DOCK3: variants seen among roughly 807,000 people sequenced by gnomAD.
DOCK3 encodes the protein dedicator of cytokinesis 3, also known as dedicator of cytokinesis protein 3.
A neutral mutation model predicts 265.6 loss-of-function variants in DOCK3; 60 were observed. That is an observed-to-expected ratio of 0.23 (90% CI 0.18 to 0.28). The LOEUF (loss-of-function observed/expected upper bound fraction) is 0.28. Among genes scored for constraint, DOCK3 ranks in the 10% least tolerant of loss-of-function variants. DOCK3 has a pLI of 1.00. For missense variants in DOCK3, 1,981 were observed against 2,594.3 expected (o/e 0.76, Z 5.14); for synonymous variants, 881 against 938.0 (o/e 0.94, Z 1.11).
chr3:51,277,972 G>A, intron 26 of DOCK3: 1 of 985,348 alleles, frequency 1.0e-6, no homozygotes, highest in Non-Finnish European at 1.2e-6. Flanking sequence ...GGGCAGATCT[G>A]GGGAATGTTT....
At chr3:51,249,081 A>G (rs867056165) in intron 22 of DOCK3, among the ~76,000 whole-genome samples, 345 of 139,156 alleles carry the variant, frequency 2.5e-3, no homozygotes, top group African/African-American at 9.1e-3. Flanking sequence ...CCCGGCAGCC[A>G]CCCCGTCCGG....
intron 5 of DOCK3, among the ~76,000 whole-genome samples, chr3:50,985,156 CA>C (rs1409632044): frequency 1.6e-4 from 25 of 152,246 alleles, no homozygotes; most frequent in African/African-American, 5.8e-4. Context: ...CCTGAATTGT[CA>C]GAATTTTTAC....
rs527860517 is a variant in DOCK3 at position 51,364,172 on chromosome 3, T to C, written c.5293+1498T>C. 3.9e-5 allele frequency among the ~76,000 whole-genome samples: 6 copies of C among 152,324 alleles called. No individual in the cohort carries two copies. The South Asian group carries it at 6.2e-4, about 16-fold the overall frequency. On this transcript the variant is annotated intron_variant, in intron 49 of 52. Transcript: ENST00000266037. ...TGTTGTTTCCTGACTTTTTAATGAT[T>C]GCCATTCTAACTGGTGTGAAATGGT...
At chr3:50,686,729 T>C (rs1017327531) in intron 1 of DOCK3, among the ~76,000 whole-genome samples, 9 of 151,710 alleles carry the variant, frequency 5.9e-5, no homozygotes, top group Non-Finnish European at 7.4e-5. Context: ...GCCATCATGG[T>C]GAAACCCCAT....
chr3:51,264,594 G>C (rs1388546670), intron 23 of DOCK3, among the ~76,000 whole-genome samples: 1 of 152,102 alleles, frequency 6.6e-6, no homozygotes, highest in East Asian at 1.9e-4. Context: ...TTGGGAGGCT[G>C]AGGCGGGCAG....
At chr3:51,311,896 A>C in intron 28 of DOCK3, 108 bp from the exon 29 acceptor site, 1 of 735,278 alleles carries the variant, frequency 1.4e-6, no homozygotes, top group Non-Finnish European at 2.2e-6. Flanking sequence ...ACATGGGAAC[A>C]AATTGTACTC....
chr3:51,298,563 C>A (rs1193700677), intron 27 of DOCK3, among the ~76,000 whole-genome samples: 1 of 152,140 alleles, frequency 6.6e-6, no homozygotes, highest in African/African-American at 2.4e-5. Context: ...CTCTCCCTCC[C>A]CCCACCTCAA....
At chr3:51,140,751 T>C (rs1338607165) in intron 9 of DOCK3, among the ~76,000 whole-genome samples, 1 of 152,304 alleles carries the variant, frequency 6.6e-6, no homozygotes. Flanking sequence ...CATTTCCTTG[T>C]CAGCACTTAT....
intron 9 of DOCK3, among the ~76,000 whole-genome samples, chr3:51,131,943 C>G (rs1279053587): frequency 3.3e-5 from 5 of 152,178 alleles, no homozygotes; most frequent in African/African-American, 1.2e-4. Context: ...CCTCACAAAT[C>G]TGTTTTGCAA....
At chr3:51,161,336 C>G (rs568951542) in intron 12 of DOCK3, among the ~76,000 whole-genome samples, 12 of 151,192 alleles carry the variant, frequency 7.9e-5, no homozygotes, top group African/African-American at 1.9e-4. Context: ...CCCAGCTACT[C>G]GGGAGGCTGA....
chr3:50,882,534 C>T (rs907045475), intron 3 of DOCK3, among the ~76,000 whole-genome samples: 6 of 152,106 alleles, frequency 3.9e-5, no homozygotes, highest in Admixed American at 1.3e-4. Flanking sequence ...CATCACTGGC[C>T]ATCAGAGAAA....
chr3:51,348,240 T>A (rs956558726), intron 38 of DOCK3, among the ~76,000 whole-genome samples: 1 of 152,236 alleles, frequency 6.6e-6, no homozygotes. Flanking sequence ...GCCTGGAATC[T>A]AACTAGGCAA....
intron 12 of DOCK3, among the ~76,000 whole-genome samples, chr3:51,169,485 G>A (rs936071442): frequency 6.6e-6 from 1 of 152,130 alleles, no homozygotes; most frequent in Non-Finnish European, 1.5e-5. Flanking sequence ...CTAACTCAGA[G>A]ACAGAAAACC....
chr3:51,265,768 T>C (rs1273473548), intron 23 of DOCK3, among the ~76,000 whole-genome samples: 1 of 152,138 alleles, frequency 6.6e-6, no homozygotes, highest in Non-Finnish European at 1.5e-5. Flanking sequence ...GCTGGAAATG[T>C]TCCCTTTGAA....
chr3:51,239,936 C>T (rs1026731309), intron 21 of DOCK3, among the ~76,000 whole-genome samples: 1 of 152,076 alleles, frequency 6.6e-6, no homozygotes, highest in African/African-American at 2.4e-5. Context: ...TTTTGTGTCT[C>T]AATCTCCTTT....
chr3:51,064,763 C>T (rs1450524385), intron 6 of DOCK3, among the ~76,000 whole-genome samples, 167 bp downstream of exon 6: 2 of 152,074 alleles, frequency 1.3e-5, no homozygotes, highest in Non-Finnish European at 2.9e-5. Flanking sequence ...TCCTAGTTAG[C>T]GAAGGATACT....
intron 32 of DOCK3, among the ~76,000 whole-genome samples, chr3:51,315,422 G>A (rs2083310956): frequency 6.6e-6 from 1 of 152,148 alleles, no homozygotes; most frequent in African/African-American, 2.4e-5. Flanking sequence ...TAGGGCCCTG[G>A]GAGTGTGATG....
At chr3:51,193,382 T>C (rs1324208445) in intron 12 of DOCK3, among the ~76,000 whole-genome samples, 1 of 152,178 alleles carries the variant, frequency 6.6e-6, no homozygotes, top group African/African-American at 2.4e-5. Flanking sequence ...GTTTTCGTTG[T>C]TGTTGTTGTG....
chr3:51,041,759 T>C (rs1400236284), intron 5 of DOCK3, among the ~76,000 whole-genome samples: 2 of 152,192 alleles, frequency 1.3e-5, no homozygotes, highest in East Asian at 3.9e-4. Flanking sequence ...TGTAAACAGA[T>C]AGGCTGTCAT....
Sources: allele counts gnomAD v4.1 joint callset (sites outside exome capture counted in the v4.1 genomes callset), GRCh38; gene constraint gnomAD v4.1.1; transcripts MANE v1.5; gene names NCBI Gene and HGNC (gene_info 2026-07-23, HGNC 2026-07-21).